The following ZNF214 variants were observed in gnomAD, a reference collection of about 807,000 sequenced individuals.
The protein encoded by ZNF214 is BWSCR2-associated zinc finger protein 1.
ZNF214 carries 43 observed loss-of-function variants against 53.9 expected under a neutral mutation model. The observed-to-expected ratio is 0.80, with a 90% CI of 0.63 to 1.03. ZNF214 has a LOEUF of 1.03. Among genes scored for constraint, ZNF214 ranks in the 50% least tolerant of loss-of-function variants. The pLI is 0.00. For synonymous variants in ZNF214, 217 were observed against 229.5 expected (o/e 0.95, Z 0.49); for missense variants, 724 against 719.1 (o/e 1.01, Z -0.08).
Position 7,000,743 on chromosome 11 carries a change from G to T in ZNF214, c.940C>A (p.Gln314Lys), listed in dbSNP as rs781151576. The change falls in exon 3 of 3, where the codon CAG becomes AAG. Residue 314 changes from glutamine to lysine, a missense_variant. Physicochemically the swap from Gln to Lys is moderately conservative, Grantham distance 53. Coordinates refer to ENST00000278314, the MANE Select transcript of ZNF214 (RefSeq NM_013249.4). ...TGATGATTGTGAAGACTAGAGATCT[G>T]GCTGAAGCTCTTACCACATGCATTA... ...SCNACGKSFS[Q>K]ISSLHNHQRV... 2 of 1,610,674 alleles carry T rather than the reference G, an allele frequency of 1.2e-6. No homozygotes were observed. The highest frequency in any genetic ancestry group is 1.7e-6 in the Non-Finnish European group (2 of 1,179,198).
intron 1 of ZNF214, among the ~76,000 whole-genome samples, chr11:7,009,771 C>A (rs1240483748): frequency 6.6e-6 from 1 of 152,074 alleles, no homozygotes; most frequent in East Asian, 1.9e-4. Context: ...AGGACATAAA[C>A]ACTTTTCAAA....
rs752795867 is a variant in ZNF214, at chr11:7,000,294, G to C, written c.1389C>G (p.Val463=). The change falls in exon 3 of 3, where the codon GTC becomes GTG. Residue 463 remains valine, a synonymous_variant. Transcript: ENST00000278314. ...HSSDLRIHQR[V]HTGEKPYTCP... ...AAGTATAGGGTTTCTCCCCTGTATGGACTCTCTGATGAATGCGAAGATCTG... is the reference window on the plus strand; with the variant it reads ...AAGTATAGGGTTTCTCCCCTGTATGCACTCTCTGATGAATGCGAAGATCTG... 6.2e-7 allele frequency: 1 copy of C among 1,613,214 alleles called. No homozygotes were observed. Among genetic ancestry groups the C allele is most frequent in the Admixed American group, 1.7e-5 (1 of 59,860 alleles).
In ZNF214 at chr11:7,000,359, A is replaced by G. The variant is rs1303690643; in HGVS notation, c.1324T>C (p.Tyr442His). 6.2e-7 allele frequency: 1 copy of G among 1,613,328 alleles called. No individual in the cohort carries two copies. Among genetic ancestry groups the G allele is most frequent in the Non-Finnish European group, 8.5e-7 (1 of 1,179,610 alleles). ...TCCTTTCCACAGTCATCACATTTAT[A>G]AGGTTTCTCTCCTGTATGCACTCTC... is the stretch of plus-strand genomic sequence containing the variant. ...HQRVHTGEKPYKCDDCGKDFS... is the reference protein window; with the variant it reads ...HQRVHTGEKPHKCDDCGKDFS... The change falls in exon 3 of 3, where the codon TAT becomes CAT. Residue 442 changes from tyrosine to histidine, a missense_variant. Transcript: ENST00000278314.
At chr11:7,005,784 T>A (rs1851458824) in intron 1 of ZNF214, among the ~76,000 whole-genome samples, 1 of 152,124 alleles carries the variant, frequency 6.6e-6, no homozygotes, top group African/African-American at 2.4e-5. Context: ...GTTTTACAAA[T>A]TGGTTGTCTA....
At position 7,013,881 on chromosome 11, in the gene ZNF214, TATA is replaced by T. The variant is rs1450779320; in HGVS notation, c.-21+6189_-21+6191del. Among the ~76,000 whole-genome samples, 12 of 152,230 alleles carry T rather than the reference TATA, an allele frequency of 7.9e-5. No individual in the cohort carries two copies. The East Asian group carries it at 2.3e-3, about 29-fold the overall frequency. ...AGGAAAGCTATTAACTTTAAGCTTTTATAATAACATCAAATAAGAAAAGCCATA... is the reference window on the plus strand; with the variant it reads ...AGGAAAGCTATTAACTTTAAGCTTTTATAACATCAAATAAGAAAAGCCATA... On this transcript the variant is annotated intron_variant, in intron 1 of 2. Transcript: ENST00000278314.
chr11:7,004,099 G>A (rs997645394), intron 1 of ZNF214, among the ~76,000 whole-genome samples: 3 of 151,714 alleles, frequency 2.0e-5, no homozygotes, highest in African/African-American at 7.2e-5. Context: ...TACTGGATTT[G>A]TTATTTTTTA....
At chr11:7,018,860 G>C (rs944992498) in intron 1 of ZNF214, among the ~76,000 whole-genome samples, 2 of 152,086 alleles carry the variant, frequency 1.3e-5, no homozygotes, top group Non-Finnish European at 1.5e-5. Flanking sequence ...TTATACACTA[G>C]ACTTGAGTGA....
In ZNF214 at chr11:7,000,685, A is replaced by G. The variant is rs199641200; in HGVS notation, c.998T>C (p.Ile333Thr). ...TCTACTGAGGTCTTTATCACACTCA[A>G]TTTTATAGAATTTCTCTTCTGTGTG... is the stretch of plus-strand genomic sequence containing the variant. ...RVHTEEKFYK[I>T]ECDKDLSRNS... The change falls in exon 3 of 3, where the codon ATT becomes ACT. Residue 333 changes from isoleucine to threonine, a missense_variant. Physicochemically the swap from Ile to Thr is moderately conservative, Grantham distance 89. Transcript: ENST00000278314. The G allele has an allele frequency of 5.7e-5, 91 of 1,601,972 alleles. No homozygotes were observed. Among genetic ancestry groups the G allele is most frequent in the Admixed American group, 6.9e-5 (4 of 57,660 alleles).
At position 6,997,642 on chromosome 11, in the gene ZNF214, T is replaced by G. The variant is rs186250929; in HGVS notation, c.*2220A>C. 1.3e-3 allele frequency among the ~76,000 whole-genome samples: 203 copies of G among 150,954 alleles called. No homozygotes were observed. The highest frequency in any genetic ancestry group is 6.9e-3 in the Middle Eastern group (2 of 290). ...GTCATTCAAAAAGAAAATGTTATTATGAGTCCCTGCTATTTAAGATCAGAA... is the reference window on the plus strand; with the variant it reads ...GTCATTCAAAAAGAAAATGTTATTAGGAGTCCCTGCTATTTAAGATCAGAA... On this transcript the variant is annotated 3_prime_UTR_variant, in exon 3 of 3. Transcript: ENST00000278314.
At chr11:7,016,848 A>C (rs1851781659) in intron 1 of ZNF214, among the ~76,000 whole-genome samples, 1 of 152,194 alleles carries the variant, frequency 6.6e-6, no homozygotes. Flanking sequence ...AGAAACAGGA[A>C]AATGAAAGCA....
chr11:7,014,384 A>G (rs1162316542), intron 1 of ZNF214, among the ~76,000 whole-genome samples: 1 of 152,270 alleles, frequency 6.6e-6, no homozygotes, highest in African/African-American at 2.4e-5. Context: ...AGTTGTTCAT[A>G]CTATGAAATA....
Position 6,999,830 on chromosome 11 carries a change from T to C in ZNF214, c.*32A>G. 6.4e-7 allele frequency: 1 copy of C among 1,558,176 alleles called. No homozygotes were observed. Among genetic ancestry groups the C allele is most frequent in the Non-Finnish European group, 8.7e-7 (1 of 1,154,458 alleles). ...ATAGGGTTTAAAGGTTAGGTAAACT[T>C]TGATTAAAGCTGTTAACTAAATGAA... On this transcript the variant is annotated 3_prime_UTR_variant, in exon 3 of 3. Coordinates refer to ENST00000278314, the MANE Select transcript of ZNF214 (RefSeq NM_013249.4).
chr11:7,005,845 A>C (rs1851460117), intron 1 of ZNF214, among the ~76,000 whole-genome samples: 3 of 152,082 alleles, frequency 2.0e-5, no homozygotes, highest in Admixed American at 1.3e-4. Context: ...ATTCTTCTAT[A>C]ATGAAAAACT....
At chr11:7,016,146 T>C (rs529534265) in intron 1 of ZNF214, 1 of 152,360 alleles carries the variant, frequency 6.6e-6, no homozygotes, top group South Asian at 2.1e-4. Flanking sequence ...AATCAATTGT[T>C]AGTTCTTCAT....
intron 1 of ZNF214, among the ~76,000 whole-genome samples, chr11:7,010,991 T>C (rs1224287724): frequency 6.6e-6 from 1 of 151,496 alleles, no homozygotes; most frequent in African/African-American, 2.4e-5. Flanking sequence ...GAAAGACTAA[T>C]AAAAAATCAT....
At chr11:7,014,713 T>C (rs1197978007) in intron 1 of ZNF214, among the ~76,000 whole-genome samples, 1 of 148,620 alleles carries the variant, frequency 6.7e-6, no homozygotes, top group Admixed American at 6.9e-5. Flanking sequence ...ACACCTATAA[T>C]CCCAGCACTT....
At chr11:7,012,012 T>C (rs1851616996) in intron 1 of ZNF214, among the ~76,000 whole-genome samples, 1 of 152,174 alleles carries the variant, frequency 6.6e-6, no homozygotes, top group Admixed American at 6.5e-5. Flanking sequence ...TTCAATACAT[T>C]CCAGTCAAAT....
rs1355078579 is a variant in ZNF214, at chr11:7,000,962, G to C, written c.721C>G (p.Gln241Glu). ...NSRCVFHKRN[Q>E]PGENLCQCSI... is the part of the protein sequence containing the mutation. ...CATTGACAGAGGTTTTCTCCAGGTT[G>C]ATTTCTCTTGTGGAAAACACACCGT... Residue 241 changes from glutamine to glutamate, a missense_variant, in exon 3 of 3, where the codon CAA becomes GAA. Transcript: ENST00000278314. 6.2e-7 allele frequency: 1 copy of C among 1,612,760 alleles called. No homozygotes were observed. Among genetic ancestry groups the C allele is most frequent in the East Asian group, 2.2e-5 (1 of 44,864 alleles).
rs1216201900 is a variant in ZNF214, at chr11:7,012,255, G to A, written c.-21+7818C>T. 2.6e-5 allele frequency among the ~76,000 whole-genome samples: 4 copies of A among 152,032 alleles called. No individual in the cohort carries two copies. The East Asian group carries it at 7.7e-4, about 29-fold the overall frequency. ...TCTACAAAAACATATTAACAATAGA[G>A]GTGGCATTAAAAATCAAAGACAGAG... On this transcript the variant is annotated intron_variant, in intron 1 of 2. Coordinates refer to ENST00000278314, the MANE Select transcript of ZNF214 (RefSeq NM_013249.4).
Sources: allele counts gnomAD v4.1 joint callset (sites outside exome capture counted in the v4.1 genomes callset), GRCh38; gene constraint gnomAD v4.1.1; transcripts MANE v1.5; gene names NCBI Gene and HGNC (gene_info 2026-07-23, HGNC 2026-07-21).